The following CLIC5 variants were observed in gnomAD, a reference collection of about 807,000 sequenced individuals.
CLIC5 encodes CLIC family member 5.
In CLIC5, 20 loss-of-function variants were observed where a neutral mutation model predicts 24.7. The ratio of observed to expected loss-of-function variants is 0.81; its 90% CI spans 0.57 to 1.18. CLIC5 has a LOEUF of 1.18. CLIC5 is among the 50% of genes most tolerant of loss of function. The probability of loss-of-function intolerance (pLI) is 0.00; values close to 1 mark genes in which losing one functional copy is unlikely to be tolerated. For missense variants in CLIC5, 341 were observed against 326.1 expected, an observed-to-expected ratio of 1.05 and a Z score of -0.35; for synonymous variants, 159 against 135.6, an observed-to-expected ratio of 1.17 and a Z score of -1.20.
At chr6:46,044,163 G>T (rs1306604097) in intron 1 of CLIC5, among the ~76,000 whole-genome samples, 1 of 152,196 alleles carries the variant, frequency 6.6e-6, no homozygotes, top group South Asian at 2.1e-4. Context: ...ATGCTTCAAA[G>T]GTTCTTTCCT....
the CLIC5 span, among the ~76,000 whole-genome samples, chr6:46,092,740 T>A: frequency 6.6e-6 from 1 of 152,332 alleles, no homozygotes; most frequent in South Asian, 2.1e-4. Flanking sequence ...CTTTACTATA[T>A]CTTGTTGTTC....
At chr6:45,925,610 C>T (rs1763454887) in intron 4 of CLIC5, among the ~76,000 whole-genome samples, 1 of 152,210 alleles carries the variant, frequency 6.6e-6, no homozygotes, top group Admixed American at 6.5e-5. Flanking sequence ...CCGTCGCGCT[C>T]AGCCTCATTA....
the CLIC5 span, among the ~76,000 whole-genome samples, chr6:46,105,292 T>C: frequency 2.6e-5 from 4 of 152,338 alleles, no homozygotes; most frequent in South Asian, 8.3e-4. Context: ...TTGTCATGGT[T>C]AAAATCTGTT....
chr6:46,100,931 G>T, the CLIC5 span, among the ~76,000 whole-genome samples: 1 of 152,154 alleles, frequency 6.6e-6, no homozygotes, highest in African/African-American at 2.4e-5. Context: ...CTCAGAGCAT[G>T]ACCAAAAACA....
rs116373184 is a variant in CLIC5, at chr6:46,072,938, T to C, written c.540+6765A>G. On this transcript the variant is annotated intron_variant, in intron 1 of 5. Coordinates refer to the CLIC5 transcript ENST00000185206. ...TCCTCAACCTTCTGAAGCATATTCA[T>C]GAACATATGAATATATTCCCAGGCT... Among the ~76,000 whole-genome samples, 935 of 152,302 alleles carry C rather than the reference T, an allele frequency of 6.1e-3. 9 individuals carry two copies. Among genetic ancestry groups the C allele is most frequent in the African/African-American group, 0.021 (889 of 41,564 alleles).
At chr6:45,924,383 C>G (rs184529721) in intron 4 of CLIC5, among the ~76,000 whole-genome samples, 248 of 152,272 alleles carry the variant, frequency 1.6e-3, no homozygotes, top group African/African-American at 5.6e-3. Context: ...ACCTCCCTCC[C>G]CCTTGCTCAG....
chr6:46,004,925 T>A (rs960935358), intron 1 of CLIC5, among the ~76,000 whole-genome samples: 1 of 152,234 alleles, frequency 6.6e-6, no homozygotes, highest in Admixed American at 6.5e-5. Flanking sequence ...CACTGCTGTC[T>A]CTAGATTTTA....
At chr6:46,030,401 C>T (rs1048211831) in intron 1 of CLIC5, among the ~76,000 whole-genome samples, 3 of 152,214 alleles carry the variant, frequency 2.0e-5, no homozygotes, top group Admixed American at 2.0e-4. Context: ...TCTGAATAAA[C>T]ATAGAACCTT....
chr6:45,980,595 G>T (rs1339439442), intron 1 of CLIC5, among the ~76,000 whole-genome samples: 1 of 151,676 alleles, frequency 6.6e-6, no homozygotes, highest in Non-Finnish European at 1.5e-5. Flanking sequence ...GATGGCTTTA[G>T]AATCTATCAC....
chr6:46,127,050 G>A, the CLIC5 span, among the ~76,000 whole-genome samples: 1 of 152,188 alleles, frequency 6.6e-6, no homozygotes, highest in Non-Finnish European at 1.5e-5. Context: ...TTCCAAATCT[G>A]ACATTGCCCC....
At chr6:46,015,980 C>T, upstream of CLIC5, 13 of 821,702 alleles carry the variant, frequency 1.6e-5, no homozygotes, top group Non-Finnish European at 1.9e-5. Flanking sequence ...GGCCCCCCGC[C>T]CCAAGACCCC....
chr6:45,916,298 A>T (rs1418019376), intron 4 of CLIC5, among the ~76,000 whole-genome samples: 2 of 152,196 alleles, frequency 1.3e-5, no homozygotes, highest in African/African-American at 2.4e-5. Context: ...GGGAAAATGC[A>T]GTATATTCCT....
chr6:46,122,371 T>C, the CLIC5 span, among the ~76,000 whole-genome samples: 1 of 152,224 alleles, frequency 6.6e-6, no homozygotes, highest in South Asian at 2.1e-4. Context: ...AAAGATGTTC[T>C]TTGAAACCAA....
At chr6:45,986,592 T>C (rs1456077931) in intron 1 of CLIC5, among the ~76,000 whole-genome samples, 1 of 152,176 alleles carries the variant, frequency 6.6e-6, no homozygotes, top group Non-Finnish European at 1.5e-5. Flanking sequence ...AGGCCTTCTT[T>C]AAACTTTTTT....
At chr6:45,991,787 T>C (rs190123858) in intron 1 of CLIC5, among the ~76,000 whole-genome samples, 3 of 152,110 alleles carry the variant, frequency 2.0e-5, no homozygotes, top group East Asian at 1.9e-4. Flanking sequence ...GTTGCTATAG[T>C]AGAAAGAGAG....
Position 45,955,409 on chromosome 6 carries a change from C to A in CLIC5, c.64-165G>T, listed in dbSNP as rs116653038. Among the ~76,000 whole-genome samples, 547 of 152,326 alleles carry A rather than the reference C, an allele frequency of 3.6e-3. 7 individuals are homozygous for A. Among genetic ancestry groups the A allele is most frequent in the African/African-American group, 0.012 (502 of 41,568 alleles). On this transcript the variant is annotated intron_variant, in intron 1 of 5. Coordinates refer to ENST00000339561, the MANE Select transcript of CLIC5 (RefSeq NM_016929.5). ...TTATTAGTTTTTGCCTTAATGTCCA[C>A]GCAGGGCAATGCCTGGCAGCATGTA...
At position 45,983,303 on chromosome 6, in the gene CLIC5, A is replaced by G. The variant is rs188776315; in HGVS notation, c.64-28059T>C. On this transcript the variant is annotated intron_variant, in intron 1 of 5. Transcript: ENST00000339561. ...GCCATAAAAATGCATATATTCTGGG[A>G]CAGGGTGTGTGCTGTCATGCACAGA... is the stretch of plus-strand genomic sequence containing the variant. 2.2e-4 allele frequency among the ~76,000 whole-genome samples: 33 copies of G among 152,300 alleles called. No individual in the cohort carries two copies. The Middle Eastern group carries it at 0.01, about 47-fold the overall frequency.
At chr6:45,994,248 C>T (rs947159764) in intron 1 of CLIC5, among the ~76,000 whole-genome samples, 3 of 152,032 alleles carry the variant, frequency 2.0e-5, no homozygotes, top group Non-Finnish European at 2.9e-5. Flanking sequence ...TTTATTTACC[C>T]GTTGATGATA....
chr6:46,046,931 C>G (rs796768456), intron 1 of CLIC5, among the ~76,000 whole-genome samples: 2 of 152,340 alleles, frequency 1.3e-5, no homozygotes, highest in Admixed American at 6.5e-5. Flanking sequence ...TTGGAATACT[C>G]TGACCTAACG....
Sources: gnomAD v4.1 joint callset for allele counts (sites outside exome capture counted in the v4.1 genomes callset) on GRCh38, gnomAD v4.1.1 for gene constraint, MANE v1.5 for transcripts, NCBI Gene and HGNC (gene_info 2026-07-23, HGNC 2026-07-21) for gene names.